The following GPC6 variants were observed in gnomAD, a reference collection of about 807,000 sequenced individuals.
GPC6 encodes glypican-6.
GPC6 carries 14 observed loss-of-function variants against 55.2 expected under a neutral mutation model. The ratio of observed to expected loss-of-function variants is 0.25; its 90% CI spans 0.17 to 0.40. The LOEUF is 0.40. GPC6 is among the 10% of genes least tolerant of loss of function. GPC6 has a pLI of 1.00. For synonymous variants in GPC6, 278 were observed against 259.6 expected (o/e 1.07, Z -0.68); for missense variants, 641 against 708.5 (o/e 0.90, Z 1.08).
intron 2 of GPC6, among the ~76,000 whole-genome samples, chr13:93,733,098 G>A (rs527702457): frequency 2.0e-5 from 3 of 151,906 alleles, no homozygotes; most frequent in Non-Finnish European, 4.4e-5. Context: ...ATTACTTCCA[G>A]TATGCCACTT....
At chr13:93,544,158 G>T (rs568256267) in intron 1 of GPC6, among the ~76,000 whole-genome samples, 245 of 150,966 alleles carry the variant, frequency 1.6e-3, no homozygotes, top group African/African-American at 5.5e-3. Flanking sequence ...AAAAAAAAAT[G>T]ACTTCAAAAC....
chr13:93,601,376 C>G (rs1048053462), intron 2 of GPC6, among the ~76,000 whole-genome samples: 3 of 151,948 alleles, frequency 2.0e-5, no homozygotes, highest in Non-Finnish European at 4.4e-5. Context: ...GAGTGAGACT[C>G]TATCTCAAAA....
At chr13:94,352,479 G>C (rs1231939136) in intron 6 of GPC6, among the ~76,000 whole-genome samples, 1 of 151,548 alleles carries the variant, frequency 6.6e-6, no homozygotes, top group African/African-American at 2.4e-5. Flanking sequence ...AGCTCCTAGA[G>C]GAGAGTGAGG....
chr13:93,962,401 C>T (rs1259653134), intron 3 of GPC6, among the ~76,000 whole-genome samples: 2 of 151,812 alleles, frequency 1.3e-5, no homozygotes, highest in African/African-American at 4.8e-5. Flanking sequence ...AATTTAGTAA[C>T]AGTAGTTAGC....
Position 93,855,578 on chromosome 13 carries a change from T to C in GPC6, c.711+25033T>C, listed in dbSNP as rs571162363. Among the ~76,000 whole-genome samples the C allele has an allele frequency of 5.9e-5, 9 of 151,754 alleles. No individual in the cohort carries two copies. The East Asian group carries it at 7.8e-4, about 13-fold the overall frequency. ...GAATGCAGGATAGTATTTATAGTTT[T>C]GGGAGAAACTGACAAACTGTCTTCC... On this transcript the variant is annotated intron_variant, in intron 3 of 8. Transcript: ENST00000377047.
chr13:94,306,057 A>G lies in GPC6; in HGVS notation c.1086A>G (p.Thr362=). 3 of 1,614,162 alleles carry G rather than the reference A, an allele frequency of 1.9e-6. No individual in the cohort carries two copies. The highest frequency in any genetic ancestry group is 2.5e-6 in the Non-Finnish European group (3 of 1,180,008). Residue 362 remains threonine, a synonymous_variant, in exon 6 of 9, where the codon ACA becomes ACG. Transcript: ENST00000377047. ...GCTCAGCTCCTGAAAATTTTAATAC[A>G]CGTTTCAGGCCCTACAATCCTGAGG... ...SARSAPENFN[T]RFRPYNPEER... is the part of the protein sequence containing the mutation.
intron 1 of GPC6, among the ~76,000 whole-genome samples, chr13:93,417,230 C>G (rs1396154830): frequency 6.6e-6 from 1 of 152,072 alleles, no homozygotes; most frequent in African/African-American, 2.4e-5. Flanking sequence ...GTGGATTTCA[C>G]AGTTTTTTTG....
intron 2 of GPC6, among the ~76,000 whole-genome samples, chr13:93,717,725 T>C (rs1883301678): frequency 6.6e-6 from 1 of 151,632 alleles, no homozygotes; most frequent in South Asian, 2.1e-4. Context: ...CAACCAGTCA[T>C]GTAATAGGTA....
chr13:94,332,737 T>C lies in GPC6; in HGVS notation c.1152+26614T>C, dbSNP rs1474734696. On this transcript the variant is annotated intron_variant, in intron 6 of 8. Coordinates refer to ENST00000377047, the MANE Select transcript of GPC6 (RefSeq NM_005708.5). ...AAGGTTTTTGTTTCCTGTAATGTTC[T>C]GGAATTTTTTATAAACAAAATCAGT... 3.3e-5 allele frequency among the ~76,000 whole-genome samples: 5 copies of C among 152,364 alleles called. No individual in the cohort carries two copies. The East Asian group carries it at 7.7e-4, about 23-fold the overall frequency.
chr13:93,225,518 T>G (rs78558406), upstream of GPC6, among the ~76,000 whole-genome samples: 7 of 135,888 alleles, frequency 5.2e-5, no homozygotes, highest in Admixed American at 3.0e-4. Context: ...GTTTTTTTTT[T>G]TTTTGGTTTT....
intron 3 of GPC6, among the ~76,000 whole-genome samples, chr13:93,918,517 G>A (rs1022541196): frequency 2.0e-5 from 3 of 151,920 alleles, no homozygotes; most frequent in East Asian, 3.9e-4. Context: ...AACGTGCCTC[G>A]ACTTGTATTC....
intron 1 of GPC6, among the ~76,000 whole-genome samples, chr13:93,428,932 C>G (rs1489000274): frequency 6.6e-6 from 1 of 152,228 alleles, no homozygotes; most frequent in Middle Eastern, 3.4e-3. Context: ...CCCAAGAAAT[C>G]ACACTATTGG....
intron 1 of GPC6, among the ~76,000 whole-genome samples, chr13:93,404,327 A>T (rs1481371218): frequency 6.6e-6 from 1 of 152,166 alleles, no homozygotes; most frequent in Non-Finnish European, 1.5e-5. Flanking sequence ...TATAATTAAG[A>T]AAAACTGAAG....
At chr13:93,708,846 C>T (rs1029231256) in intron 2 of GPC6, among the ~76,000 whole-genome samples, 5 of 151,752 alleles carry the variant, frequency 3.3e-5, no homozygotes, top group South Asian at 4.1e-4. Flanking sequence ...CAGAAACTCA[C>T]TCCTCCCAGG....
At chr13:93,774,840 A>C (rs1223830338) in intron 2 of GPC6, among the ~76,000 whole-genome samples, 2 of 152,078 alleles carry the variant, frequency 1.3e-5, no homozygotes, top group African/African-American at 4.8e-5. Context: ...CTAGTAATCT[A>C]ATTTCAGATA....
chr13:94,350,947 G>A (rs1335975814), intron 6 of GPC6, among the ~76,000 whole-genome samples: 1 of 152,156 alleles, frequency 6.6e-6, no homozygotes, highest in African/African-American at 2.4e-5. Flanking sequence ...AACAAACTTG[G>A]CTTTCTCAGG....
intron 1 of GPC6, among the ~76,000 whole-genome samples, chr13:93,423,244 G>T (rs1317381777): frequency 2.0e-5 from 3 of 152,146 alleles, no homozygotes; most frequent in Non-Finnish European, 4.4e-5. Context: ...AGGACTGAAT[G>T]TCTTCCGATC....
At chr13:93,335,502 C>T (rs4771870) in intron 1 of GPC6, among the ~76,000 whole-genome samples, 43,801 of 152,016 alleles carry the variant, frequency 0.29, 7,294 homozygotes, top group East Asian at 0.55. Flanking sequence ...CTAATAGAGA[C>T]GAGCTTCAAA....
At chr13:93,449,763 G>T (rs1878151968) in intron 1 of GPC6, among the ~76,000 whole-genome samples, 1 of 151,988 alleles carries the variant, frequency 6.6e-6, no homozygotes, top group African/African-American at 2.4e-5. Flanking sequence ...GGGAGGCAGA[G>T]GTTGCAGTGA....
Sources: allele counts gnomAD v4.1 joint callset (sites outside exome capture counted in the v4.1 genomes callset), GRCh38; gene constraint gnomAD v4.1.1; transcripts MANE v1.5; gene names NCBI Gene and HGNC (gene_info 2026-07-23, HGNC 2026-07-21).